Variants in NKAIN3 observed in about 807,000 individuals in gnomAD.
The protein encoded by NKAIN3 is sodium/potassium-transporting ATPase subunit beta-1-interacting protein 3.
NKAIN3 carries 25 observed loss-of-function variants against 30.2 expected under a neutral mutation model. The observed-to-expected ratio is 0.83, with a 90% CI of 0.60 to 1.16. NKAIN3 has a LOEUF of 1.16. Among genes scored for constraint, NKAIN3 ranks in the 50% most tolerant of loss-of-function variants. The pLI, the probability that NKAIN3 is intolerant of heterozygous loss-of-function variation, is 0.00. For synonymous variants in NKAIN3, 91 were observed against 89.6 expected, an observed-to-expected ratio of 1.02 and a Z score of -0.09; for missense variants, 225 against 254.1, an observed-to-expected ratio of 0.89 and a Z score of 0.78.
At chr8:62,954,989 A>G (rs1012241235) in intron 6 of NKAIN3, among the ~76,000 whole-genome samples, 12 of 152,160 alleles carry the variant, frequency 7.9e-5, no homozygotes, top group African/African-American at 2.9e-4. Context: ...AATTATGTAA[A>G]ATAGTCGCTT....
At chr8:62,899,811 T>G (rs1821547229) in intron 4 of NKAIN3, among the ~76,000 whole-genome samples, 1 of 152,104 alleles carries the variant, frequency 6.6e-6, no homozygotes, top group South Asian at 2.1e-4. Context: ...CATGATGGGA[T>G]TATTATGCAT....
chr8:62,366,477 C>T (rs538584169), intron 1 of NKAIN3, among the ~76,000 whole-genome samples: 6 of 152,198 alleles, frequency 3.9e-5, no homozygotes, highest in Admixed American at 2.0e-4. Context: ...TCAGCTGCCT[C>T]AGCCTCCCAA....
chr8:62,580,333 G>A (rs1049835364), intron 2 of NKAIN3, among the ~76,000 whole-genome samples: 2 of 152,158 alleles, frequency 1.3e-5, no homozygotes, highest in Admixed American at 1.3e-4. Flanking sequence ...GTTATTCACA[G>A]TAATTAGTTG....
intron 1 of NKAIN3, among the ~76,000 whole-genome samples, chr8:62,315,414 A>T (rs1038956125): frequency 6.6e-6 from 1 of 152,196 alleles, no homozygotes; most frequent in Non-Finnish European, 1.5e-5. Flanking sequence ...AAAAAGAAGG[A>T]TGATCTTTAA....
At chr8:62,425,600 T>C (rs1229750908) in intron 1 of NKAIN3, among the ~76,000 whole-genome samples, 6 of 151,926 alleles carry the variant, frequency 3.9e-5, no homozygotes, top group Non-Finnish European at 8.8e-5. Context: ...TGTAGTCAGC[T>C]AAAGGAATGT....
Position 62,642,229 on chromosome 8 carries a change from T to G in NKAIN3, c.273+52435T>G, listed in dbSNP as rs1428892443. Among the ~76,000 whole-genome samples, 3 of 152,262 alleles carry G rather than the reference T, an allele frequency of 2.0e-5. No homozygotes were observed. The East Asian group carries it at 5.8e-4, about 29-fold the overall frequency. ...GAAACCAGTTTGTCACTGGTAAGCTTGAGGTTCCTACATGTCACCATGTAG... is the reference window on the plus strand; with the variant it reads ...GAAACCAGTTTGTCACTGGTAAGCTGGAGGTTCCTACATGTCACCATGTAG... On this transcript the variant is annotated intron_variant, in intron 3 of 6. Coordinates refer to ENST00000623646, the MANE Select transcript of NKAIN3 (RefSeq NM_001304533.3).
rs529662446 is a variant in NKAIN3 at position 62,781,853 on chromosome 8, A to G, written c.471+34724A>G. 7.9e-5 allele frequency among the ~76,000 whole-genome samples: 12 copies of G among 152,124 alleles called. No individual in the cohort carries two copies. In the East Asian group the frequency reaches 9.6e-4, roughly 12 times the overall value. On this transcript the variant is annotated intron_variant, in intron 4 of 6. Coordinates refer to ENST00000623646, the MANE Select transcript of NKAIN3 (RefSeq NM_001304533.3). Reference sequence around the variant, plus strand: ...AACTATAAAACCATTAGAAGAACACATAGAAAAAACTCTTTGAAACATTGC... The same window carrying G: ...AACTATAAAACCATTAGAAGAACACGTAGAAAAAACTCTTTGAAACATTGC...
intron 3 of NKAIN3, among the ~76,000 whole-genome samples, chr8:62,696,324 GT>G (rs917649381): frequency 1.3e-5 from 2 of 152,108 alleles, no homozygotes. Context: ...AATTGGGAGT[GT>G]TTTTTCCCCA....
At chr8:62,674,840 G>C (rs1813420932) in intron 3 of NKAIN3, among the ~76,000 whole-genome samples, 1 of 152,168 alleles carries the variant, frequency 6.6e-6, no homozygotes, top group Non-Finnish European at 1.5e-5. Context: ...TTACAGAGAA[G>C]AACAGATGGT....
intron 1 of NKAIN3, among the ~76,000 whole-genome samples, chr8:62,574,934 A>G (rs916555265): frequency 1.3e-5 from 2 of 151,958 alleles, no homozygotes; most frequent in Admixed American, 6.6e-5. Flanking sequence ...CAGGATAAAA[A>G]CCTTTAAAAA....
intron 1 of NKAIN3, among the ~76,000 whole-genome samples, chr8:62,366,146 G>T (rs1816730298): frequency 6.6e-6 from 1 of 151,412 alleles, no homozygotes; most frequent in Non-Finnish European, 1.5e-5. Flanking sequence ...ATGTTTCTAG[G>T]AATTTACTGT....
chr8:62,959,830 C>T (rs1398950687), intron 6 of NKAIN3, among the ~76,000 whole-genome samples: 4 of 152,164 alleles, frequency 2.6e-5, no homozygotes, highest in Admixed American at 2.6e-4. Context: ...GAGGCGTTAA[C>T]TTTCCTGGGC....
At chr8:62,745,622 A>G (rs1816044327) in intron 3 of NKAIN3, among the ~76,000 whole-genome samples, 1 of 152,232 alleles carries the variant, frequency 6.6e-6, no homozygotes, top group Non-Finnish European at 1.5e-5. Flanking sequence ...CCCTTCATAC[A>G]TTAACACCCC....
intron 4 of NKAIN3, among the ~76,000 whole-genome samples, chr8:62,836,309 C>A (rs527415844): frequency 6.6e-6 from 1 of 151,834 alleles, no homozygotes; most frequent in East Asian, 1.9e-4. Flanking sequence ...GCACATATAC[C>A]GCCTCAATCT....
intron 3 of NKAIN3, among the ~76,000 whole-genome samples, chr8:62,746,479 T>G (rs1208992540): frequency 6.6e-6 from 1 of 152,232 alleles, no homozygotes; most frequent in African/African-American, 2.4e-5. Context: ...AGCTTGATCA[T>G]TAAAGTGCCT....
At chr8:62,901,659 C>T (rs1018144446) in intron 4 of NKAIN3, among the ~76,000 whole-genome samples, 2 of 152,136 alleles carry the variant, frequency 1.3e-5, no homozygotes, top group African/African-American at 4.8e-5. Flanking sequence ...CTTTTACGTA[C>T]GTCCCGCAAG....
intron 1 of NKAIN3, among the ~76,000 whole-genome samples, chr8:62,339,851 C>T (rs983364616): frequency 6.6e-6 from 1 of 151,952 alleles, no homozygotes; most frequent in African/African-American, 2.4e-5. Context: ...AAAAATCTAA[C>T]ATTTGCTGAA....
chr8:62,468,811 T>G (rs1806238423), intron 1 of NKAIN3, among the ~76,000 whole-genome samples: 1 of 152,152 alleles, frequency 6.6e-6, no homozygotes, highest in Admixed American at 6.5e-5. Flanking sequence ...TGGAAGTAAC[T>G]GGCATCATCA....
chr8:62,822,662 T>G (rs1272477009), intron 4 of NKAIN3, among the ~76,000 whole-genome samples: 2 of 152,200 alleles, frequency 1.3e-5, no homozygotes, highest in East Asian at 3.9e-4. Context: ...GGCTAAATAT[T>G]CAACCTGCAC....
Sources: gnomAD v4.1 joint callset for allele counts (sites outside exome capture counted in the v4.1 genomes callset) on GRCh38, gnomAD v4.1.1 for gene constraint, MANE v1.5 for transcripts, NCBI Gene and HGNC (gene_info 2026-07-23, HGNC 2026-07-21) for gene names.